PHGDH: variants seen among roughly 807,000 people sequenced by gnomAD.
PHGDH encodes the protein D-3-phosphoglycerate dehydrogenase.
In PHGDH, 50 loss-of-function variants were observed where a neutral mutation model predicts 52.6. The ratio of observed to expected loss-of-function variants is 0.95; its 90% confidence interval spans 0.76 to 1.20. PHGDH has a LOEUF of 1.20. Among genes scored for constraint, PHGDH ranks in the 50% most tolerant of loss-of-function variants. PHGDH has a pLI of 0.00. For missense variants in PHGDH, 630 were observed against 684.6 expected (o/e 0.92, Z 0.89); for synonymous variants, 271 against 280.5 (o/e 0.97, Z 0.34).
At chr1:119,714,187 A>T (rs1310010255) in intron 1 of PHGDH, among the ~76,000 whole-genome samples, 2 of 152,172 alleles carry the variant, frequency 1.3e-5, no homozygotes, top group Non-Finnish European at 2.9e-5. Context: ...TTTATTCTGC[A>T]TGAAGAGGTG....
At chr1:119,721,358 G>A in intron 2 of PHGDH, 37 bp downstream of exon 2, 4 of 1,606,610 alleles carry the variant, frequency 2.5e-6, no homozygotes, top group East Asian at 2.2e-5. Context: ...TGGGGGTAGG[G>A]GGGTGAGTGC....
At chr1:119,725,455 G>T (rs1651364302) in intron 3 of PHGDH, among the ~76,000 whole-genome samples, 1 of 152,190 alleles carries the variant, frequency 6.6e-6, no homozygotes. Flanking sequence ...CATTTTATCA[G>T]GCAAGCTTTC....
chr1:119,731,652 A>G (rs1175110101), intron 5 of PHGDH, among the ~76,000 whole-genome samples: 3 of 152,196 alleles, frequency 2.0e-5, no homozygotes, highest in Non-Finnish European at 2.9e-5. Flanking sequence ...AGGTTTACAG[A>G]TAAGGAAACT....
At position 119,744,045 on chromosome 1, in the gene PHGDH, G is replaced by C. The variant is rs1250766333; in HGVS notation, c.*5G>C. The C allele has an allele frequency of 6.2e-7, 1 of 1,613,834 alleles. No homozygotes were observed. The highest frequency in any genetic ancestry group is 8.5e-7 in the Non-Finnish European group (1 of 1,179,698). ...GCCTTCCAGTTCCACTTCTAACCTT[G>C]GAGCTCACTGGTCCCTGCCTCTGGG... On this transcript the variant is annotated 3_prime_UTR_variant, in exon 12 of 12. Transcript: ENST00000641023.
intron 2 of PHGDH, 25 bp downstream of exon 2, chr1:119,721,346 T>G (rs772534002): frequency 1.2e-6 from 2 of 1,609,692 alleles, no homozygotes; most frequent in Non-Finnish European, 8.5e-7. Flanking sequence ...CTGCGGGCGG[T>G]TTGGGGGTAG....
chr1:119,728,553 G>T (rs1400479266), intron 5 of PHGDH, among the ~76,000 whole-genome samples: 1 of 152,124 alleles, frequency 6.6e-6, no homozygotes, highest in East Asian at 1.9e-4. Flanking sequence ...CCTACTCTGG[G>T]AGCTCAGTAG....
At chr1:119,717,063 A>T (rs587718682) in intron 1 of PHGDH, among the ~76,000 whole-genome samples, 2 of 151,740 alleles carry the variant, frequency 1.3e-5, no homozygotes, top group East Asian at 3.9e-4. Flanking sequence ...TCTATTTTTT[A>T]TTGTGCTCTT....
intron 1 of PHGDH, 136 bp downstream of exon 1, chr1:119,712,296 G>A: frequency 2.7e-6 from 2 of 742,678 alleles, no homozygotes; most frequent in South Asian, 3.0e-5. Flanking sequence ...TTGGGGGGTA[G>A]AGAAGAACGG....
At chr1:119,728,419 A>G (rs1651542142) in intron 5 of PHGDH, among the ~76,000 whole-genome samples, 1 of 152,200 alleles carries the variant, frequency 6.6e-6, no homozygotes, top group South Asian at 2.1e-4. Flanking sequence ...ATATTTCAGA[A>G]AAGATTTAAA....
rs752324881 is a variant in PHGDH, at chr1:119,737,247, G to C, written c.926G>C (p.Gly309Ala). ...IAVQFVDMVKGKSLTGVVNAQ... is the reference protein window; with the variant it reads ...IAVQFVDMVKAKSLTGVVNAQ... ...GTTCAGTTCGTGGACATGGTGAAGGGGAAATCTCTCACGGGGGTTGTAAGT... is the reference window on the plus strand; with the variant it reads ...GTTCAGTTCGTGGACATGGTGAAGGCGAAATCTCTCACGGGGGTTGTAAGT... The change falls in exon 8 of 12, where the codon GGG (glycine) becomes GCG (alanine). Residue 309 changes from glycine (G) to alanine (A), a missense_variant. By Grantham distance (60) the Gly-to-Ala change is moderately conservative. Transcript: ENST00000641023. The C allele has an allele frequency of 6.2e-7, 1 of 1,614,030 alleles. No individual in the cohort carries two copies. Among genetic ancestry groups the C allele is most frequent in the Non-Finnish European group, 8.5e-7 (1 of 1,179,872 alleles).
At chr1:119,732,941 C>T (rs1392183258) in intron 5 of PHGDH, among the ~76,000 whole-genome samples, 1 of 152,230 alleles carries the variant, frequency 6.6e-6, no homozygotes, top group African/African-American at 2.4e-5. Context: ...AAAAAAAATA[C>T]ATCTGGATTA....
At position 119,718,653 on chromosome 1, in the gene PHGDH, T is replaced by C. The variant is rs1651027232; in HGVS notation, c.139-2517T>C. Among the ~76,000 whole-genome samples the C allele has an allele frequency of 2.0e-5, 3 of 152,216 alleles. No homozygotes were observed. In the South Asian group the frequency reaches 6.2e-4, roughly 31 times the overall value. Reference sequence around the variant, plus strand: ...AGCCTCTGTTTCTTTATCTGGAAACTGGGGATGATTATACCCCTTCTCCTT... The same window carrying C: ...AGCCTCTGTTTCTTTATCTGGAAACCGGGGATGATTATACCCCTTCTCCTT... On this transcript the variant is annotated intron_variant, in intron 1 of 11. Transcript: ENST00000641023.
At chr1:119,730,631 A>G (rs1420619156) in intron 5 of PHGDH, among the ~76,000 whole-genome samples, 1 of 152,212 alleles carries the variant, frequency 6.6e-6, no homozygotes, top group Non-Finnish European at 1.5e-5. Context: ...AGTTGTGTGG[A>G]ATTTTATTGT....
intron 1 of PHGDH, among the ~76,000 whole-genome samples, chr1:119,717,263 T>TAAAAAAAA (rs1650977691): frequency 1.8e-5 from 1 of 54,586 alleles, no homozygotes; most frequent in Non-Finnish European, 3.5e-5. Flanking sequence ...AAAAAAAAAG[T>TAAAAAAAA]TGATTTGTAG....
chr1:119,733,776 G>C (rs1273881115), intron 5 of PHGDH, among the ~76,000 whole-genome samples: 1 of 152,168 alleles, frequency 6.6e-6, no homozygotes. Flanking sequence ...CGCTGTTAAA[G>C]TACTATGCTG....
Position 119,723,399 on chromosome 1 carries a change from G to A in PHGDH, c.314G>A (p.Ser105Asn). Reference sequence around the variant, plus strand: ...AGCACCCCCAATGGGAACAGCCTCAGTGCCGCAGAACTCACTTGTGGAATG... The same window carrying A: ...AGCACCCCCAATGGGAACAGCCTCAATGCCGCAGAACTCACTTGTGGAATG... ...VMNTPNGNSL[S>N]AAELTCGMIM... is the part of the protein sequence containing the mutation. Residue 105 changes from serine to asparagine, a missense_variant, in exon 3 of 12, where the codon AGT becomes AAT. Transcript: ENST00000641023. The A allele has an allele frequency of 1.2e-6, 2 of 1,613,954 alleles. No homozygotes were observed. The highest frequency in any genetic ancestry group is 1.7e-6 in the Non-Finnish European group (2 of 1,179,896).
At chr1:119,722,114 T>A (rs1405401797) in intron 2 of PHGDH, among the ~76,000 whole-genome samples, 2 of 152,246 alleles carry the variant, frequency 1.3e-5, no homozygotes. Context: ...CTGAAGTCAA[T>A]ATTCAACAGC....
Position 119,712,094 on chromosome 1 carries a change from A to T in PHGDH, c.72A>T (p.Gln24His). ...ACCCTTGCTGCCGGAAGATCTTGCAAGATGGAGGGCTGCAGGTGGTGGAAA... is the reference window on the plus strand; with the variant it reads ...ACCCTTGCTGCCGGAAGATCTTGCATGATGGAGGGCTGCAGGTGGTGGAAA... ...SLDPCCRKIL[Q>H]DGGLQVVEKQ... Residue 24 changes from glutamine (Q) to histidine (H), a missense_variant, in exon 1 of 12, where the codon CAA becomes CAT. By Grantham distance (24) the Gln-to-His change is conservative. Transcript: ENST00000641023. 6.2e-7 allele frequency: 1 copy of T among 1,614,162 alleles called. No homozygotes were observed. The highest frequency in any genetic ancestry group is 8.5e-7 in the Non-Finnish European group (1 of 1,179,966).
At chr1:119,742,163 C>A (rs1468226888) in intron 10 of PHGDH, 43 of 510,420 alleles carry the variant, frequency 8.4e-5, no homozygotes, top group Non-Finnish European at 1.4e-4. Context: ...AAGAAAATGA[C>A]GAGCTAGTGT....
Sources: gnomAD v4.1 joint callset for allele counts (sites outside exome capture counted in the v4.1 genomes callset) on GRCh38, gnomAD v4.1.1 for gene constraint, MANE v1.5 for transcripts, NCBI Gene and HGNC (gene_info 2026-07-23, HGNC 2026-07-21) for gene names.